The following MOB3B variants were observed in gnomAD, a reference collection of about 807,000 sequenced individuals.
MOB3B encodes MOB kinase activator 3B, also known as MOB kinase activator-like 2B.
Under a neutral mutation model 18.7 loss-of-function variants are expected in MOB3B, and 7 were observed. The ratio of observed to expected loss-of-function variants is 0.37; its 90% CI spans 0.21 to 0.70. The LOEUF is 0.70. MOB3B is among the 30% of genes least tolerant of loss of function. The probability of loss-of-function intolerance (pLI) is 0.52; values close to 1 mark genes in which losing one functional copy is unlikely to be tolerated. For missense variants in MOB3B, 253 were observed against 281.3 expected (o/e 0.90, Z 0.72); for synonymous variants, 111 against 99.9 (o/e 1.11, Z -0.66).
chr9:27,415,222 G>A (rs1822126590), intron 2 of MOB3B, among the ~76,000 whole-genome samples: 1 of 152,154 alleles, frequency 6.6e-6, no homozygotes. Context: ...CTTTATGGGT[G>A]TGCATAATAT....
intron 2 of MOB3B, among the ~76,000 whole-genome samples, chr9:27,395,399 T>C (rs866424548): frequency 6.6e-6 from 1 of 152,290 alleles, no homozygotes; most frequent in Middle Eastern, 3.4e-3. Context: ...CAACATGTTA[T>C]ACACCATAAA....
chr9:27,365,364 C>CTTTTT (rs55691019), intron 2 of MOB3B, among the ~76,000 whole-genome samples: 1 of 116,494 alleles, frequency 8.6e-6, no homozygotes, highest in Non-Finnish European at 1.7e-5. Flanking sequence ...TCCTTCTTCT[C>CTTTTT]TTTTTTTTTT....
rs57850999 is a variant in MOB3B, at chr9:27,418,091, C to CAAAAAAAAAAAAAAAAA, written c.418+37025_418+37041dup. ...TGGGAGACAGGGTGAGACTCCACCTCAAAAAAAAAAAAAAAAAAAAAGTAA... is the reference window on the plus strand; with the variant it reads ...TGGGAGACAGGGTGAGACTCCACCTCAAAAAAAAAAAAAAAAAAAAAAAAAAAAAAAAAAAAAAGTAA... On this transcript the variant is annotated intron_variant, in intron 2 of 3. Coordinates refer to ENST00000262244, the MANE Select transcript of MOB3B (RefSeq NM_024761.5). Among the ~76,000 whole-genome samples the CAAAAAAAAAAAAAAAAA allele has an allele frequency of 2.7e-3, 118 of 44,072 alleles. 7 individuals are homozygous for CAAAAAAAAAAAAAAAAA. The highest frequency in any genetic ancestry group is 3.7e-3 in the Non-Finnish European group (84 of 22,612). 28.9% of individuals were successfully genotyped at this position (44,072 alleles called of 152,430 possible).
chr9:27,436,798 T>C (rs1822508297), intron 2 of MOB3B, among the ~76,000 whole-genome samples: 1 of 152,058 alleles, frequency 6.6e-6, no homozygotes, highest in African/African-American at 2.4e-5. Context: ...GGTTATCTAA[T>C]AGAAACAGAA....
At chr9:27,496,030 GGCAC>G (rs1819892668) in intron 1 of MOB3B, among the ~76,000 whole-genome samples, 2 of 152,168 alleles carry the variant, frequency 1.3e-5, no homozygotes, top group Non-Finnish European at 2.9e-5. Context: ...TCTCTTCTAA[GGCAC>G]ATAGAAGCGT....
At chr9:27,404,347 C>CTTTTTTTTTTTTTTTTTT (rs756275032) in intron 2 of MOB3B, among the ~76,000 whole-genome samples, 2 of 75,172 alleles carry the variant, frequency 2.7e-5, no homozygotes, top group African/African-American at 1.1e-4. Context: ...TTCTTTCTTT[C>CTTTTTTTTTTTTTTTTTT]TTTTTTTTTT....
intron 2 of MOB3B, among the ~76,000 whole-genome samples, chr9:27,404,638 G>A (rs1040193781): frequency 5.3e-5 from 8 of 151,924 alleles, no homozygotes; most frequent in South Asian, 2.1e-4. Flanking sequence ...ATTTACAGGC[G>A]TGATCCACTA....
rs539462806 is a variant in MOB3B, at chr9:27,341,962, T to C, written c.622-11346A>G. On this transcript the variant is annotated intron_variant, in intron 3 of 3. Transcript: ENST00000262244. ...TGGCCCATAAGCTAAGAGTGGTTTT[T>C]ACATTTTTTGATAGTTGAAAAAAGA... 8.5e-5 allele frequency among the ~76,000 whole-genome samples: 13 copies of C among 152,378 alleles called. No individual in the cohort carries two copies. The East Asian group carries it at 2.1e-3, about 25-fold the overall frequency.
intron 2 of MOB3B, among the ~76,000 whole-genome samples, chr9:27,365,675 A>T (rs1712934755): frequency 6.6e-6 from 1 of 152,170 alleles, no homozygotes; most frequent in African/African-American, 2.4e-5. Context: ...AGCTACCACC[A>T]GTGGCTCTTA....
At chr9:27,485,721 A>T (rs1324235289) in intron 1 of MOB3B, among the ~76,000 whole-genome samples, 1 of 152,216 alleles carries the variant, frequency 6.6e-6, no homozygotes, top group Non-Finnish European at 1.5e-5. Context: ...TTACCATGAT[A>T]TCAATTTTTC....
In MOB3B at chr9:27,427,085, C is replaced by T. The variant is rs189244274; in HGVS notation, c.418+28048G>A. Among the ~76,000 whole-genome samples, 34 of 152,250 alleles carry T rather than the reference C, an allele frequency of 2.2e-4. No individual in the cohort carries two copies. The Middle Eastern group carries it at 0.017, about 76-fold the overall frequency. ...CTCCTGAAAGCAGATCCCAGAATTCCAGGGCAGGGAGTGAAAAATGCCTCC... is the reference window on the plus strand; with the variant it reads ...CTCCTGAAAGCAGATCCCAGAATTCTAGGGCAGGGAGTGAAAAATGCCTCC... On this transcript the variant is annotated intron_variant, in intron 2 of 3. Coordinates refer to ENST00000262244, the MANE Select transcript of MOB3B (RefSeq NM_024761.5).
chr9:27,422,324 A>G (rs1398163946), intron 2 of MOB3B, among the ~76,000 whole-genome samples: 2 of 152,232 alleles, frequency 1.3e-5, no homozygotes, highest in Non-Finnish European at 2.9e-5. Context: ...ACAACCCACC[A>G]TTAAATGCAT....
intron 2 of MOB3B, among the ~76,000 whole-genome samples, chr9:27,368,759 G>C (rs978193480): frequency 1.3e-5 from 2 of 152,142 alleles, no homozygotes; most frequent in African/African-American, 4.8e-5. Flanking sequence ...GTTCTCAAGA[G>C]AGTCTTAATT....
At chr9:27,400,144 C>A (rs1164114612) in intron 2 of MOB3B, among the ~76,000 whole-genome samples, 1 of 152,150 alleles carries the variant, frequency 6.6e-6, no homozygotes, top group Non-Finnish European at 1.5e-5. Flanking sequence ...GTTTTTAAAG[C>A]CTTTATATTG....
rs115576749 is a variant in MOB3B, at chr9:27,503,831, T to C, written c.-199+25724A>G. Among the ~76,000 whole-genome samples, 1,156 of 152,336 alleles carry C rather than the reference T, an allele frequency of 7.6e-3. 15 individuals carry two copies. The highest frequency in any genetic ancestry group is 0.026 in the African/African-American group (1,071 of 41,594). On this transcript the variant is annotated intron_variant, in intron 1 of 3. Coordinates refer to ENST00000262244, the MANE Select transcript of MOB3B (RefSeq NM_024761.5). ...CTGGAGGGAGTTTGCCCTCTTGGGA[T>C]TGGGCAACCCACAGCCAATGACTGG...
At chr9:27,480,931 G>A (rs957002058) in intron 1 of MOB3B, among the ~76,000 whole-genome samples, 1 of 152,028 alleles carries the variant, frequency 6.6e-6, no homozygotes, top group Non-Finnish European at 1.5e-5. Flanking sequence ...TAAAAGAAAC[G>A]ATGCCTTGTG....
At chr9:27,522,379 T>G (rs866841403) in intron 1 of MOB3B, among the ~76,000 whole-genome samples, 4 of 147,250 alleles carry the variant, frequency 2.7e-5, no homozygotes, top group Non-Finnish European at 6.0e-5. Context: ...CAGTTAGAGA[T>G]AGTGACTCAA....
At chr9:27,493,863 T>A (rs1415606117) in intron 1 of MOB3B, among the ~76,000 whole-genome samples, 1 of 152,092 alleles carries the variant, frequency 6.6e-6, no homozygotes, top group African/African-American at 2.4e-5. Flanking sequence ...AACAGCAATG[T>A]TTAGGAAAAA....
At chr9:27,413,398 A>G (rs1340034514) in intron 2 of MOB3B, among the ~76,000 whole-genome samples, 1 of 152,218 alleles carries the variant, frequency 6.6e-6, no homozygotes, top group Non-Finnish European at 1.5e-5. Context: ...CACACTGGCA[A>G]GAATTTTATC....
Sources: allele counts gnomAD v4.1 joint callset (sites outside exome capture counted in the v4.1 genomes callset), GRCh38; gene constraint gnomAD v4.1.1; transcripts MANE v1.5; gene names NCBI Gene and HGNC (gene_info 2026-07-23, HGNC 2026-07-21).